Variants in DDC observed in about 807,000 individuals in gnomAD.
DDC encodes the protein aromatic-L-amino-acid decarboxylase.
DDC carries 43 observed loss-of-function variants against 60.0 expected under a neutral mutation model. That is an observed-to-expected ratio of 0.72 (90% CI 0.56 to 0.92). The LOEUF (loss-of-function observed/expected upper bound fraction) is 0.92, where lower values mean the gene tolerates loss of function less well. DDC is among the 40% of genes least tolerant of loss of function. The pLI is 0.00. For missense variants in DDC, 573 were observed against 620.2 expected (o/e 0.92, Z 0.81); for synonymous variants, 232 against 234.6 (o/e 0.99, Z 0.10).
intron 4 of DDC, among the ~76,000 whole-genome samples, chr7:50,537,160 C>G (rs1490371984): frequency 6.6e-6 from 1 of 151,772 alleles, no homozygotes; most frequent in Non-Finnish European, 1.5e-5. Context: ...CTGGTGTAAG[C>G]TCTGACACAC....
chr7:50,462,200 T>G (rs2042288146), intron 14 of DDC, among the ~76,000 whole-genome samples: 1 of 135,608 alleles, frequency 7.4e-6, no homozygotes, highest in Admixed American at 8.0e-5. Flanking sequence ...GGATCACAGA[T>G]TCTTCCACCA....
intron 6 of DDC, among the ~76,000 whole-genome samples, chr7:50,514,350 C>T (rs1375878404): frequency 2.6e-5 from 4 of 152,148 alleles, no homozygotes; most frequent in East Asian, 1.9e-4. Context: ...CCTAGATATT[C>T]CCCCTGACAG....
intron 12 of DDC, among the ~76,000 whole-genome samples, chr7:50,469,032 C>T (rs1235342083): frequency 1.3e-5 from 2 of 150,016 alleles, no homozygotes; most frequent in African/African-American, 2.5e-5. Flanking sequence ...CTCTGCCTCC[C>T]AGGTTCAAGT....
At chr7:50,554,387 A>C (rs1010884589) in intron 1 of DDC, among the ~76,000 whole-genome samples, 3 of 151,420 alleles carry the variant, frequency 2.0e-5, no homozygotes, top group African/African-American at 7.3e-5. Flanking sequence ...ACTGCCGTGA[A>C]AGTCTATTAA....
chr7:50,524,101 A>G (rs571066439), intron 6 of DDC, among the ~76,000 whole-genome samples: 1 of 152,324 alleles, frequency 6.6e-6, no homozygotes, highest in African/African-American at 2.4e-5. Flanking sequence ...ATGACATTCT[A>G]AAAAAGAACA....
chr7:50,470,762 T>C (rs919758970), intron 11 of DDC, among the ~76,000 whole-genome samples: 12 of 152,294 alleles, frequency 7.9e-5, no homozygotes, highest in East Asian at 7.7e-4. Flanking sequence ...GCTTTCCCTG[T>C]CCTTCCTCTG....
At chr7:50,558,704 T>G (rs1321273096) in intron 1 of DDC, among the ~76,000 whole-genome samples, 2 of 150,144 alleles carry the variant, frequency 1.3e-5, no homozygotes, top group Non-Finnish European at 2.9e-5. Flanking sequence ...GAAGCCAGCA[T>G]TTTCCTAACA....
intron 14 of DDC, among the ~76,000 whole-genome samples, chr7:50,460,762 G>T (rs1043136741): frequency 6.6e-6 from 1 of 151,712 alleles, no homozygotes; most frequent in African/African-American, 2.4e-5. Context: ...CCAACCCTGT[G>T]CTCTCTGAAA....
At chr7:50,485,773 A>C (rs967613329) in intron 9 of DDC, among the ~76,000 whole-genome samples, 1 of 152,168 alleles carries the variant, frequency 6.6e-6, no homozygotes, top group Non-Finnish European at 1.5e-5. Context: ...GACAGTGTGA[A>C]AAAGCCTCTG....
intron 7 of DDC, among the ~76,000 whole-genome samples, chr7:50,500,064 G>C (rs1381485140): frequency 2.6e-5 from 4 of 152,132 alleles, no homozygotes; most frequent in Admixed American, 2.6e-4. Flanking sequence ...GGCTTCCATG[G>C]TTGCTGCCTC....
At chr7:50,531,655 GC>G (rs1563032822) in intron 4 of DDC, 1 of 152,006 alleles carries the variant, frequency 6.6e-6, no homozygotes, top group Non-Finnish European at 1.5e-5. Flanking sequence ...TGTTTTAAAA[GC>G]CTGAAGGAGC....
intron 6 of DDC, among the ~76,000 whole-genome samples, chr7:50,512,510 C>T (rs1399057263): frequency 6.6e-6 from 1 of 152,210 alleles, no homozygotes; most frequent in African/African-American, 2.4e-5. Flanking sequence ...AGCTCTAGTA[C>T]AGTAGTACCT....
At chr7:50,505,182 T>C (rs765073329) in intron 6 of DDC, among the ~76,000 whole-genome samples, 1 of 152,234 alleles carries the variant, frequency 6.6e-6, no homozygotes, top group Non-Finnish European at 1.5e-5. Context: ...AGACCCATGA[T>C]GCTCCCAAAG....
chr7:50,550,571 C>T (rs1027922084), intron 1 of DDC, among the ~76,000 whole-genome samples: 1 of 152,096 alleles, frequency 6.6e-6, no homozygotes, highest in African/African-American at 2.4e-5. Flanking sequence ...TGACATGTGG[C>T]CAAGCTTGGT....
chr7:50,499,740 G>A (rs2043206558), intron 7 of DDC, among the ~76,000 whole-genome samples: 1 of 152,164 alleles, frequency 6.6e-6, no homozygotes, highest in African/African-American at 2.4e-5. Flanking sequence ...CACCATCTTA[G>A]ACCATCCCCT....
At chr7:50,519,788 T>C (rs1400879598) in intron 6 of DDC, among the ~76,000 whole-genome samples, 1 of 152,050 alleles carries the variant, frequency 6.6e-6, no homozygotes, top group Admixed American at 6.6e-5. Flanking sequence ...TGTGGTGCAG[T>C]GTATACTGCT....
In DDC at chr7:50,543,777, T is replaced by C. The variant is rs575420479; in HGVS notation, c.201+108A>G. The stretch of plus-strand genomic sequence containing the variant: ...GAAATGACAAAATTTCTCTCCAACC[T>C]GACTGCCATAGGGATTCCTTGAAAC... On this transcript the variant is annotated intron_variant, in intron 2 of 14. Coordinates refer to ENST00000444124, the MANE Select transcript of DDC (RefSeq NM_001082971.2). The C allele has an allele frequency of 2.6e-5, 29 of 1,127,432 alleles. No homozygotes were observed. In the Admixed American group the frequency reaches 5.1e-4, roughly 20 times the overall value. The allele number at this position is 1,127,432 out of a possible 1,614,324, so 69.8% of individuals were successfully genotyped here.
intron 5 of DDC, 85 bp downstream of exon 5, chr7:50,529,123 A>C: frequency 1.3e-6 from 2 of 1,553,398 alleles, no homozygotes; most frequent in Admixed American, 3.3e-5. Context: ...ATTTGGAAGG[A>C]TGCTGTTTGG....
At chr7:50,555,924 A>T (rs2045170387) in intron 1 of DDC, among the ~76,000 whole-genome samples, 1 of 152,226 alleles carries the variant, frequency 6.6e-6, no homozygotes, top group Admixed American at 6.5e-5. Context: ...TAACAGCTGT[A>T]GCCAGATGCA....
Sources: allele counts gnomAD v4.1 joint callset (sites outside exome capture counted in the v4.1 genomes callset), GRCh38; gene constraint gnomAD v4.1.1; transcripts MANE v1.5; gene names NCBI Gene and HGNC (gene_info 2026-07-23, HGNC 2026-07-21).